PSMD1: variants seen among roughly 807,000 people sequenced by gnomAD.
The protein encoded by PSMD1 is proteasome 26S subunit, non-ATPase 1.
Under a neutral mutation model 119.0 loss-of-function variants are expected in PSMD1, and 18 were observed. The observed-to-expected ratio is 0.15, with a 90% CI of 0.10 to 0.22. The LOEUF is 0.22. PSMD1 is among the 10% of genes least tolerant of loss of function. The pLI is 1.00. For missense variants in PSMD1, 702 were observed against 1,158.5 expected (o/e 0.61, Z 5.72); for synonymous variants, 374 against 396.6 (o/e 0.94, Z 0.68).
At chr2:231,135,491 A>G (rs1185752543) in intron 16 of PSMD1, among the ~76,000 whole-genome samples, 1 of 152,150 alleles carries the variant, frequency 6.6e-6, no homozygotes, top group Non-Finnish European at 1.5e-5. Flanking sequence ...CAAAACAGGA[A>G]CTAGAACATG....
rs1288386462 is a variant in PSMD1, at chr2:231,056,948, T to C, written c.-78T>C. 37 of 1,529,180 alleles carry C rather than the reference T, an allele frequency of 2.4e-5. No individual in the cohort carries two copies. The highest frequency in any genetic ancestry group is 2.9e-5 in the Non-Finnish European group (33 of 1,137,708). 94.7% of individuals were successfully genotyped at this position (1,529,180 alleles called of 1,614,324 possible). On this transcript the variant is annotated 5_prime_UTR_variant, in exon 1 of 25. Coordinates refer to ENST00000308696, the MANE Select transcript of PSMD1 (RefSeq NM_002807.4). ...CGGGGAGCAAGGAGGCGCGGTGAAC[T>C]GAGCGGCCCCTGAGCTGACAGATAC...
intron 16 of PSMD1, among the ~76,000 whole-genome samples, chr2:231,134,688 T>C (rs1461743191): frequency 6.6e-6 from 1 of 152,232 alleles, no homozygotes; most frequent in Non-Finnish European, 1.5e-5. Flanking sequence ...CACATTCCAG[T>C]GTTCATTCCT....
In PSMD1 at chr2:231,062,650, C is replaced by G; in HGVS notation, c.279C>G (p.Asn93Lys). The change falls in exon 4 of 25, where the codon AAC becomes AAG. Residue 93 changes from asparagine to lysine, a missense_variant. Physicochemically the swap from Asn to Lys is moderately conservative, Grantham distance 94 (BLOSUM62 0). Transcript: ENST00000308696. ...GAGDLFNVND[N>K]SEYVETIIAK... ...GGGACCTCTTCAATGTCAATGATAA[C>G]TCTGAATATGTGGAAACTATTATAG... 1 of 1,609,012 alleles carries G rather than the reference C, an allele frequency of 6.2e-7. No homozygotes were observed. The highest frequency in any genetic ancestry group is 8.5e-7 in the Non-Finnish European group (1 of 1,178,226).
chr2:231,091,458 T>C (rs546839864), intron 16 of PSMD1, among the ~76,000 whole-genome samples: 17 of 152,366 alleles, frequency 1.1e-4, no homozygotes, highest in African/African-American at 4.1e-4. Flanking sequence ...ACTGATCTCC[T>C]ACATCTCCTC....
At chr2:231,061,364 T>C (rs1693754433) in intron 2 of PSMD1, 54 bp downstream of exon 2, 7 of 1,364,772 alleles carry the variant, frequency 5.1e-6, no homozygotes. Context: ...TGAAGCCTTT[T>C]GAATTTAGTG....
chr2:231,072,074 C>T (rs1694054361), intron 6 of PSMD1, 115 bp from the exon 7 acceptor site: 1 of 786,668 alleles, frequency 1.3e-6, no homozygotes, highest in Non-Finnish European at 2.0e-6. Context: ...ATAGTCTGCC[C>T]TAGTTTGCCT....
intron 16 of PSMD1, among the ~76,000 whole-genome samples, chr2:231,137,896 T>A (rs1300634695): frequency 6.6e-6 from 1 of 152,232 alleles, no homozygotes; most frequent in Non-Finnish European, 1.5e-5. Flanking sequence ...AAAAAAATCT[T>A]TTTATTGAAG....
chr2:231,160,570 G>A (rs6437002), intron 19 of PSMD1, among the ~76,000 whole-genome samples: 117,002 of 152,202 alleles, frequency 0.77, 45,851 homozygotes, highest in African/African-American at 0.93. Flanking sequence ...TGATTGAAGC[G>A]GAAAGAGTAA....
At chr2:231,167,947 G>C (rs919280111) in intron 23 of PSMD1, among the ~76,000 whole-genome samples, 1 of 152,184 alleles carries the variant, frequency 6.6e-6, no homozygotes, top group African/African-American at 2.4e-5. Flanking sequence ...AGGTGCAGTG[G>C]TTCCCACTTA....
intron 19 of PSMD1, among the ~76,000 whole-genome samples, chr2:231,154,108 G>A (rs1012773052): frequency 6.6e-5 from 10 of 151,006 alleles, no homozygotes; most frequent in East Asian, 1.9e-4. Context: ...AGCAAAACTC[G>A]GTCTCCAAAA....
intron 16 of PSMD1, among the ~76,000 whole-genome samples, chr2:231,131,988 G>GT (rs1279849694): frequency 2.0e-4 from 31 of 152,052 alleles, no homozygotes; most frequent in Non-Finnish European, 8.8e-5. Flanking sequence ...ACACTGTCAG[G>GT]TTTTTTATAT....
intron 21 of PSMD1, among the ~76,000 whole-genome samples, chr2:231,164,147 C>T (rs1338908707): frequency 1.3e-5 from 2 of 151,962 alleles, no homozygotes; most frequent in Non-Finnish European, 2.9e-5. Flanking sequence ...CTTTGATATT[C>T]ATTTAAGGTT....
At chr2:231,141,952 G>A (rs1267557264) in intron 17 of PSMD1, among the ~76,000 whole-genome samples, 2 of 152,032 alleles carry the variant, frequency 1.3e-5, no homozygotes, top group African/African-American at 2.4e-5. Flanking sequence ...GTGCAATCTC[G>A]GCTCACTGCA....
intron 20 of PSMD1, 88 bp from the exon 21 acceptor site, chr2:231,163,547 T>C: frequency 1.1e-6 from 1 of 887,798 alleles, no homozygotes; most frequent in Non-Finnish European, 1.8e-6. Context: ...ACAGCCTGCA[T>C]TAAAACTTTG....
chr2:231,115,203 A>G (rs1695288411), intron 16 of PSMD1, among the ~76,000 whole-genome samples: 1 of 151,922 alleles, frequency 6.6e-6, no homozygotes, highest in Admixed American at 6.6e-5. Flanking sequence ...AAAAAAAAAA[A>G]GCATAATTTA....
Position 231,109,136 on chromosome 2 carries a change from G to A in PSMD1, c.1883+21955G>A, listed in dbSNP as rs143487912. 2.5e-5 allele frequency: 40 copies of A among 1,614,062 alleles called. No homozygotes were observed. In the African/African-American group the frequency reaches 2.9e-4, roughly 12 times the overall value. On this transcript the variant is annotated intron_variant, in intron 16 of 24. Transcript: ENST00000308696. ...CAGCATTGCCACCTTTTCCGGTGAC[G>A]AGCAAGGTGTTTCATCCCTTTGGAA... is the stretch of plus-strand genomic sequence containing the variant.
chr2:231,109,526 G>A, intron 16 of PSMD1: 1 of 870,876 alleles, frequency 1.1e-6, no homozygotes, highest in Non-Finnish European at 1.8e-6. Flanking sequence ...ATAATTCCTG[G>A]GACCCACAAT....
At chr2:231,159,041 G>A (rs1169965816) in intron 19 of PSMD1, among the ~76,000 whole-genome samples, 1 of 152,054 alleles carries the variant, frequency 6.6e-6, no homozygotes, top group African/African-American at 2.4e-5. Flanking sequence ...TTAAAATGCT[G>A]CTTGGTTTAG....
chr2:231,074,838 G>A (rs138632760), intron 7 of PSMD1, among the ~76,000 whole-genome samples: 363 of 152,122 alleles, frequency 2.4e-3, no homozygotes, highest in African/African-American at 8.5e-3. Context: ...TTTGTTTTGG[G>A]ATCTCCTGAC....
Sources: allele counts gnomAD v4.1 joint callset (sites outside exome capture counted in the v4.1 genomes callset), GRCh38; gene constraint gnomAD v4.1.1; transcripts MANE v1.5; gene names NCBI Gene and HGNC (gene_info 2026-07-23, HGNC 2026-07-21).